Variants in HECW2 observed in about 807,000 individuals in gnomAD.
HECW2 encodes HECT, C2 and WW domain containing E3 ubiquitin protein ligase 2.
In HECW2, 61 loss-of-function variants were observed where a neutral mutation model predicts 175.2. That is an observed-to-expected ratio of 0.35 (90% CI 0.28 to 0.43). HECW2 has a LOEUF of 0.43. HECW2 is among the 20% of genes least tolerant of loss of function. HECW2 has a pLI of 1.00. For synonymous variants in HECW2, 671 were observed against 731.0 expected, an observed-to-expected ratio of 0.92 and a Z score of 1.32; for missense variants, 1,524 against 2,000.5, an observed-to-expected ratio of 0.76 and a Z score of 4.54.
At chr2:196,359,447 AAAACAAACAAAC>A (rs202003088) in intron 2 of HECW2, among the ~76,000 whole-genome samples, 6 of 151,812 alleles carry the variant, frequency 4.0e-5, no homozygotes, top group South Asian at 4.2e-4. Flanking sequence ...ACTCCATCTT[AAAACAAACAAAC>A]AAACAAACAA....
At chr2:196,405,003 T>TG (rs1694927785) in intron 2 of HECW2, among the ~76,000 whole-genome samples, 1 of 150,206 alleles carries the variant, frequency 6.7e-6, no homozygotes, top group South Asian at 2.1e-4. Flanking sequence ...TTTTTTTTTT[T>TG]TGTATTTTTA....
intron 17 of HECW2, among the ~76,000 whole-genome samples, chr2:196,268,959 C>T (rs1473636674): frequency 2.6e-5 from 4 of 152,160 alleles, no homozygotes; most frequent in African/African-American, 9.6e-5. Flanking sequence ...GAGTGGATGC[C>T]ATAATAAACA....
chr2:196,380,463 C>T lies in HECW2; in HGVS notation c.293-36699G>A, dbSNP rs774389380. ...TCTCTTTCTCTATATTGTCCTTTTC[C>T]GTTTTTTTCTGTTAGTCCCTTATGT... On this transcript the variant is annotated intron_variant, in intron 2 of 28. Coordinates refer to ENST00000644978, the MANE Select transcript of HECW2 (RefSeq NM_001348768.2). 2.6e-5 allele frequency among the ~76,000 whole-genome samples: 4 copies of T among 152,162 alleles called. No individual in the cohort carries two copies. In the East Asian group the frequency reaches 5.8e-4, roughly 22 times the overall value.
intron 2 of HECW2, among the ~76,000 whole-genome samples, chr2:196,407,685 C>T (rs771731708): frequency 6.6e-6 from 1 of 152,204 alleles, no homozygotes; most frequent in Non-Finnish European, 1.5e-5. Flanking sequence ...GTGCTCTTCC[C>T]ACTAAGTCTA....
rs1686657315 is a variant in HECW2 at position 196,195,556 on chromosome 2, C to T, written c.*5721G>A. 1 of 152,176 alleles carries T rather than the reference C, an allele frequency of 6.6e-6. No individual in the cohort carries two copies. The highest frequency in any genetic ancestry group is 2.1e-4 in the South Asian group (1 of 4,826). The allele number at this position is 152,176 out of a possible 1,614,324, so 9.4% of individuals were successfully genotyped here. On this transcript the variant is annotated 3_prime_UTR_variant, in exon 29 of 29. Transcript: ENST00000644978. ...CTTGATTAACTTCCTGACTTGGAAA[C>T]ACTAATTTAGTCTCCATTTGCAACC...
rs1308711089 is a variant in HECW2 at position 196,240,582 on chromosome 2, T to G, written c.3651-20A>C. On this transcript the variant is annotated intron_variant, in intron 20 of 28. Transcript: ENST00000644978. ...ATTAACCTGTCCATAAAGAGACAAT[T>G]TAGAAAATACAAATTATTACTATAC... The G allele has an allele frequency of 3.2e-6, 5 of 1,562,700 alleles. No homozygotes were observed. The highest frequency in any genetic ancestry group is 1.4e-5 in the African/African-American group (1 of 72,392).
intron 3 of HECW2, among the ~76,000 whole-genome samples, chr2:196,340,393 T>C (rs1184387147): frequency 6.6e-6 from 1 of 151,882 alleles, no homozygotes; most frequent in Non-Finnish European, 1.5e-5. Flanking sequence ...GGTCAGGAGT[T>C]TGAAACCAGC....
At chr2:196,378,826 G>A (rs1694122037) in intron 2 of HECW2, among the ~76,000 whole-genome samples, 1 of 152,054 alleles carries the variant, frequency 6.6e-6, no homozygotes. Context: ...AAAAATCAAT[G>A]AGAAACATTC....
Position 196,334,470 on chromosome 2 carries a change from A to C in HECW2, c.449T>G (p.Leu150Arg), listed in dbSNP as rs77303742. The change falls in exon 4 of 29, where the codon CTG becomes CGG. Residue 150 changes from leucine (L) to arginine (R), a missense_variant. By Grantham distance (102) the Leu-to-Arg change is moderately radical. Transcript: ENST00000644978. ...FKYYHGISGA[L>R]RATTPCITVK... ...GGTGATGCAGGGGGTCGTGGCTCGC[A>C]GGGCTCCACTAATGCCGTGGTAATA... 6.2e-7 allele frequency: 1 copy of C among 1,609,848 alleles called. No homozygotes were observed.
At position 196,310,491 on chromosome 2, in the gene HECW2, G is replaced by A. The variant is rs1002441946; in HGVS notation, c.2435-2406C>T. ...CCAGGCAAAGGCAGCAGAGGTGCCT[G>A]CAGGAAGGTTAGCTCTCTGTTGTAT... On this transcript the variant is annotated intron_variant, in intron 10 of 28. Transcript: ENST00000644978. Among the ~76,000 whole-genome samples, 3 of 152,346 alleles carry A rather than the reference G, an allele frequency of 2.0e-5. No individual in the cohort carries two copies. The East Asian group carries it at 5.8e-4, about 29-fold the overall frequency.
intron 2 of HECW2, among the ~76,000 whole-genome samples, chr2:196,427,023 T>C (rs1292190292): frequency 1.3e-5 from 2 of 152,190 alleles, no homozygotes; most frequent in South Asian, 2.1e-4. Flanking sequence ...CCATAGACAC[T>C]GAGAGGTCTA....
chr2:196,206,882 CA>C (rs1390750103), intron 28 of HECW2, among the ~76,000 whole-genome samples: 10 of 152,318 alleles, frequency 6.6e-5, no homozygotes, highest in African/African-American at 2.4e-4. Context: ...TGCATACAAA[CA>C]GTTAATAATA....
At chr2:196,367,876 T>TGTGTGTGTGTG (rs1553508124) in intron 2 of HECW2, among the ~76,000 whole-genome samples, 1,489 of 144,938 alleles carry the variant, frequency 0.01, 38 homozygotes, top group African/African-American at 0.035. Context: ...GTGTGTGTGT[T>TGTGTGTGTGTG]TGTGTGTGTG....
At chr2:196,412,540 G>C (rs1245265319) in intron 2 of HECW2, among the ~76,000 whole-genome samples, 5 of 152,212 alleles carry the variant, frequency 3.3e-5, no homozygotes. Context: ...TTTGAGGTCA[G>C]GATTTAGTCA....
At chr2:196,257,162 G>T (rs575752565) in intron 18 of HECW2, among the ~76,000 whole-genome samples, 1 of 152,248 alleles carries the variant, frequency 6.6e-6, no homozygotes, top group South Asian at 2.1e-4. Flanking sequence ...TTTTACTATG[G>T]CTTGCCTACA....
chr2:196,380,701 C>T (rs1694184277), intron 2 of HECW2, among the ~76,000 whole-genome samples: 1 of 152,128 alleles, frequency 6.6e-6, no homozygotes, highest in African/African-American at 2.4e-5. Context: ...GGGGAAGCTC[C>T]AAACCCATTC....
chr2:196,230,775 C>A (rs533258720), intron 21 of HECW2, among the ~76,000 whole-genome samples: 7 of 152,282 alleles, frequency 4.6e-5, no homozygotes, highest in Non-Finnish European at 8.8e-5. Flanking sequence ...ACCCAGGACT[C>A]CCCCATCCTG....
At chr2:196,209,546 G>T (rs759768650) in intron 28 of HECW2, among the ~76,000 whole-genome samples, 3 of 152,182 alleles carry the variant, frequency 2.0e-5, no homozygotes, top group Non-Finnish European at 4.4e-5. Context: ...AGGAGTTGAA[G>T]AGAGTCTTGG....
At chr2:196,285,412 T>A (rs1446077365) in intron 14 of HECW2, among the ~76,000 whole-genome samples, 1 of 152,228 alleles carries the variant, frequency 6.6e-6, no homozygotes, top group East Asian at 1.9e-4. Flanking sequence ...CATTTTTCTT[T>A]CTGTAAAGAG....
Sources: allele counts gnomAD v4.1 joint callset (sites outside exome capture counted in the v4.1 genomes callset), GRCh38; gene constraint gnomAD v4.1.1; transcripts MANE v1.5; gene names NCBI Gene and HGNC (gene_info 2026-07-23, HGNC 2026-07-21).